The following TMC5 variants were observed in gnomAD, a reference collection of about 807,000 sequenced individuals.
TMC5 encodes the protein transmembrane channel like 5.
TMC5 carries 86 observed loss-of-function variants against 110.5 expected under a neutral mutation model. The ratio of observed to expected loss-of-function variants is 0.78; its 90% CI spans 0.65 to 0.93. The LOEUF (loss-of-function observed/expected upper bound fraction) is 0.93. TMC5 is among the 40% of genes least tolerant of loss of function. The pLI, the probability that TMC5 is intolerant of heterozygous loss-of-function variation, is 0.00. For synonymous variants in TMC5, 455 were observed against 439.5 expected, an observed-to-expected ratio of 1.04 and a Z score of -0.44; for missense variants, 1,144 against 1,222.8, an observed-to-expected ratio of 0.94 and a Z score of 0.96.
intron 15 of TMC5, among the ~76,000 whole-genome samples, chr16:19,483,254 C>T (rs933887464): frequency 2.2e-4 from 34 of 152,180 alleles, no homozygotes; most frequent in African/African-American, 8.0e-4. Flanking sequence ...ACCTCCTGAG[C>T]TCAGGCAATC....
At chr16:19,448,888 G>A (rs1967683576) in intron 4 of TMC5, among the ~76,000 whole-genome samples, 1 of 136,588 alleles carries the variant, frequency 7.3e-6, no homozygotes, top group Non-Finnish European at 1.5e-5. Flanking sequence ...TTGAGTCAGA[G>A]TCTCGCTCTG....
At position 19,497,089 on chromosome 16, in the gene TMC5, G is replaced by A. The variant is rs768538620; in HGVS notation, c.2932-32G>A. 2.5e-5 allele frequency: 40 copies of A among 1,613,178 alleles called. 1 individual carries two copies. The highest frequency in any genetic ancestry group is 3.3e-5 in the South Asian group (3 of 91,026). On this transcript the variant is annotated intron_variant, in intron 20 of 21. Transcript: ENST00000542583. ...GACCCAGAATCTGCATTCTTCCTCCGTGACGTGGCTGCTTGTTTTTTTCTT... is the reference window on the plus strand; with the variant it reads ...GACCCAGAATCTGCATTCTTCCTCCATGACGTGGCTGCTTGTTTTTTTCTT...
chr16:19,439,816 G>T, intron 2 of TMC5, 144 bp from the exon 3 acceptor site: 1 of 521,940 alleles, frequency 1.9e-6, no homozygotes, highest in African/African-American at 1.9e-5. Flanking sequence ...TGGTGCAAGA[G>T]AATCTAGAAA....
intron 9 of TMC5, among the ~76,000 whole-genome samples, chr16:19,466,841 A>G (rs913452779): frequency 6.6e-6 from 1 of 152,186 alleles, no homozygotes; most frequent in Non-Finnish European, 1.5e-5. Context: ...GAGGAGGTAC[A>G]AATGGAAAAT....
chr16:19,439,982 G>C lies in TMC5; in HGVS notation c.-57G>C. On this transcript the variant is annotated 5_prime_UTR_variant, in exon 3 of 22. Transcript: ENST00000542583. ...CAGGTGAAAAAAAAAAAAGATCCCT[G>C]AGTAATTGCAAATGCTGGGACAGTT... The C allele has an allele frequency of 7.3e-7, 1 of 1,362,442 alleles. No individual in the cohort carries two copies. Among genetic ancestry groups the C allele is most frequent in the Non-Finnish European group, 1.0e-6 (1 of 995,296 alleles). 84.4% of individuals were successfully genotyped at this position (1,362,442 alleles called of 1,614,324 possible).
chr16:19,462,813 G>A (rs930001479), intron 6 of TMC5, among the ~76,000 whole-genome samples: 72 of 151,374 alleles, frequency 4.8e-4, no homozygotes, highest in East Asian at 1.9e-4. Context: ...CAGGAGAATC[G>A]CTTGAACCTG....
At chr16:19,447,068 G>C (rs1001351644) in intron 4 of TMC5, among the ~76,000 whole-genome samples, 3 of 152,130 alleles carry the variant, frequency 2.0e-5, no homozygotes, top group Non-Finnish European at 4.4e-5. Flanking sequence ...GCTAGCTATT[G>C]CCACAGGAAT....
intron 10 of TMC5, among the ~76,000 whole-genome samples, chr16:19,471,494 TTTC>T: frequency 6.6e-6 from 1 of 152,204 alleles, no homozygotes; most frequent in Admixed American, 6.5e-5. Context: ...TCAGTGTGCT[TTTC>T]TTAAGAACAT....
At chr16:19,463,159 G>A (rs1288915798) in intron 6 of TMC5, 121 bp from the exon 7 acceptor site, 1 of 737,798 alleles carries the variant, frequency 1.4e-6, no homozygotes, top group Non-Finnish European at 2.4e-6. Flanking sequence ...TGGCCTCAGT[G>A]ATCCTCTTGC....
chr16:19,441,620 C>T (rs1967492262), intron 3 of TMC5, among the ~76,000 whole-genome samples: 1 of 152,014 alleles, frequency 6.6e-6, no homozygotes, highest in African/African-American at 2.4e-5. Context: ...GATTTTTACA[C>T]TTTTATTTCT....
At chr16:19,436,273 G>GAAAAAAGA (rs1555480350) in intron 2 of TMC5, among the ~76,000 whole-genome samples, 40 of 107,594 alleles carry the variant, frequency 3.7e-4, no homozygotes, top group African/African-American at 1.5e-3. Context: ...GTCTCAAAAA[G>GAAAAAAGA]AAAAAAAAAA....
intron 1 of TMC5, among the ~76,000 whole-genome samples, chr16:19,425,133 G>C (rs1466639669): frequency 6.6e-6 from 1 of 152,098 alleles, no homozygotes. Context: ...CGGAAACCTG[G>C]AATAAAGACC....
chr16:19,486,211 G>T (rs1435772885), intron 15 of TMC5, among the ~76,000 whole-genome samples: 1 of 152,128 alleles, frequency 6.6e-6, no homozygotes, highest in Non-Finnish European at 1.5e-5. Context: ...ATATCTTACA[G>T]TTCTGGAGGC....
intron 18 of TMC5, among the ~76,000 whole-genome samples, chr16:19,491,642 T>C (rs890042673): frequency 6.6e-6 from 1 of 150,404 alleles, no homozygotes; most frequent in Admixed American, 6.7e-5. Flanking sequence ...TTCATGCCAT[T>C]CTCCTGCCTC....
chr16:19,483,235 G>A (rs1270928575), intron 15 of TMC5, among the ~76,000 whole-genome samples: 1 of 152,160 alleles, frequency 6.6e-6, no homozygotes, highest in Non-Finnish European at 1.5e-5. Context: ...ATGGCTCACT[G>A]CAGCCTCAAC....
intron 17 of TMC5, among the ~76,000 whole-genome samples, chr16:19,488,828 G>A (rs546251697): frequency 6.6e-6 from 1 of 152,314 alleles, no homozygotes; most frequent in South Asian, 2.1e-4. Context: ...CCACCAGAAT[G>A]TAATCCCAAT....
At chr16:19,483,139 G>A (rs762158770) in intron 15 of TMC5, among the ~76,000 whole-genome samples, 3 of 152,016 alleles carry the variant, frequency 2.0e-5, no homozygotes, top group Non-Finnish European at 2.9e-5. Flanking sequence ...GGGATTATAG[G>A]TGTGAGTCAC....
intron 18 of TMC5, 143 bp downstream of exon 18, chr16:19,490,711 T>TTTCC (rs150837460): frequency 0.054 from 21,024 of 388,818 alleles, 1,705 homozygotes; most frequent in East Asian, 0.14. Context: ...GGTAGTTTTC[T>TTTCC]TTCCTTCCTT....
rs139256481 is a variant in TMC5, at chr16:19,497,406, T to C, written c.2974+243T>C. ...TTACCCATGTTAGTTCCTTTTGCAATAGACTCTGCCTAATAAGTGCAAGAC... is the reference window on the plus strand; with the variant it reads ...TTACCCATGTTAGTTCCTTTTGCAACAGACTCTGCCTAATAAGTGCAAGAC... On this transcript the variant is annotated intron_variant, in intron 21 of 21. Coordinates refer to ENST00000542583, the MANE Select transcript of TMC5 (RefSeq NM_001261841.2). Among the ~76,000 whole-genome samples the C allele has an allele frequency of 1.9e-4, 29 of 152,362 alleles. 1 individual carries two copies. Among genetic ancestry groups the C allele is most frequent in the African/African-American group, 6.5e-4 (27 of 41,594 alleles).
Sources: allele counts gnomAD v4.1 joint callset (sites outside exome capture counted in the v4.1 genomes callset), GRCh38; gene constraint gnomAD v4.1.1; transcripts MANE v1.5; gene names NCBI Gene and HGNC (gene_info 2026-07-23, HGNC 2026-07-21).